Variants in SPATA13 observed in about 807,000 individuals in gnomAD.
SPATA13 encodes spermatogenesis-associated protein 13.
A neutral mutation model predicts 104.0 loss-of-function variants in SPATA13; 50 were observed. The observed-to-expected ratio is 0.48, with a 90% CI of 0.38 to 0.61. The LOEUF is 0.61. Among genes scored for constraint, SPATA13 ranks in the 20% least tolerant of loss-of-function variants. The probability of loss-of-function intolerance (pLI) is 0.00; values close to 1 mark genes in which losing one functional copy is unlikely to be tolerated. For synonymous variants in SPATA13, 606 were observed against 667.5 expected, an observed-to-expected ratio of 0.91 and a Z score of 1.42; for missense variants, 1,524 against 1,690.6, an observed-to-expected ratio of 0.90 and a Z score of 1.73.
chr13:24,290,330 A>T (rs928688523), intron 8 of SPATA13, among the ~76,000 whole-genome samples: 4 of 152,078 alleles, frequency 2.6e-5, no homozygotes, highest in African/African-American at 9.7e-5. Context: ...TGGGAGGGGG[A>T]CGTTAGAGGC....
intron 2 of SPATA13, among the ~76,000 whole-genome samples, chr13:23,998,391 C>T (rs1264679051): frequency 6.6e-6 from 1 of 152,184 alleles, no homozygotes; most frequent in East Asian, 1.9e-4. Flanking sequence ...AAATGTCTAT[C>T]CAAATCTTTT....
chr13:24,095,411 G>A (rs1880040634), intron 3 of SPATA13, among the ~76,000 whole-genome samples: 1 of 152,108 alleles, frequency 6.6e-6, no homozygotes, highest in Admixed American at 6.5e-5. Context: ...CAGGGCTGGG[G>A]TAGGGGGTGC....
At chr13:24,071,076 C>G (rs558869784) in intron 3 of SPATA13, among the ~76,000 whole-genome samples, 1 of 152,270 alleles carries the variant, frequency 6.6e-6, no homozygotes, top group South Asian at 2.1e-4. Context: ...GATGAATGCA[C>G]TCATGGTTCA....
intron 1 of SPATA13, among the ~76,000 whole-genome samples, chr13:24,208,436 C>T (rs77923234): frequency 0.016 from 2,368 of 152,302 alleles, 57 homozygotes; most frequent in African/African-American, 0.054. Flanking sequence ...TTCATAATCC[C>T]CAGTGCTCCT....
intron 2 of SPATA13, among the ~76,000 whole-genome samples, chr13:23,993,303 T>C (rs1188701329): frequency 6.6e-6 from 1 of 152,252 alleles, no homozygotes; most frequent in Non-Finnish European, 1.5e-5. Flanking sequence ...TTCAACTGTT[T>C]CTTTTCCATA....
chr13:24,066,331 C>A (rs1330488555), intron 3 of SPATA13, among the ~76,000 whole-genome samples: 1 of 152,164 alleles, frequency 6.6e-6, no homozygotes, highest in African/African-American at 2.4e-5. Flanking sequence ...CATCACAATT[C>A]TTTGAAACAA....
intron 3 of SPATA13, among the ~76,000 whole-genome samples, chr13:24,114,347 C>T (rs1041685658): frequency 6.4e-5 from 5 of 77,714 alleles, no homozygotes; most frequent in Middle Eastern, 6.8e-3. Context: ...GAAGCTAATT[C>T]AGTGTGCACG....
intron 3 of SPATA13, among the ~76,000 whole-genome samples, chr13:24,024,352 TGGAC>T (rs1039374511): frequency 2.6e-5 from 3 of 117,424 alleles, no homozygotes; most frequent in Admixed American, 8.6e-5. Context: ...GATGAATGGA[TGGAC>T]GGATGGATGG....
intron 4 of SPATA13, among the ~76,000 whole-genome samples, chr13:24,255,924 A>G (rs1374687472): frequency 1.3e-5 from 2 of 152,242 alleles, no homozygotes; most frequent in Admixed American, 1.3e-4. Flanking sequence ...ACATGAAGGA[A>G]TTATTTTTAA....
chr13:24,263,232 T>C (rs992407255), intron 4 of SPATA13, among the ~76,000 whole-genome samples: 16 of 152,244 alleles, frequency 1.1e-4, no homozygotes, highest in African/African-American at 3.6e-4. Context: ...AAATATTTTC[T>C]TTCAATAAAG....
At chr13:24,062,229 A>C (rs1212821797) in intron 3 of SPATA13, among the ~76,000 whole-genome samples, 4 of 152,254 alleles carry the variant, frequency 2.6e-5, no homozygotes, top group Admixed American at 6.5e-5. Flanking sequence ...GAAGAGCTCT[A>C]GGGCTTCTTA....
intron 1 of SPATA13, among the ~76,000 whole-genome samples, chr13:24,191,938 G>A (rs963716086): frequency 3.3e-5 from 5 of 152,084 alleles, no homozygotes; most frequent in East Asian, 1.9e-4. Context: ...TTAGGCCTGC[G>A]TACACATTGA....
At position 24,286,805 on chromosome 13, in the gene SPATA13, G is replaced by A. The variant is rs754107229; in HGVS notation, c.2522G>A (p.Ser841Asn). The change falls in exon 7 of 13, where the codon AGC becomes AAC. Residue 841 changes from serine (S) to asparagine (N), a missense_variant. Ser to Asn is a conservative substitution (Grantham distance 46, BLOSUM62 1). This residue lies in a region of SPATA13 where 1,089 missense variants were observed against 1,135.9 expected (regional missense o/e 0.96). Coordinates refer to ENST00000382108, the MANE Select transcript of SPATA13 (RefSeq NM_001166271.3). The surrounding 1 kb of genome is among the most constrained non-coding windows in gnomAD (Gnocchi z 4.9). ...NQEELSENSS[S>N]TPSEEQDEEA... Reference sequence around the variant, plus strand: ...GAAGAGCTGTCGGAAAACTCCAGCAGCACCCCCAGTGAGGAGCAGGACGAG... The same window carrying A: ...GAAGAGCTGTCGGAAAACTCCAGCAACACCCCCAGTGAGGAGCAGGACGAG... 1 of 1,613,658 alleles carries A rather than the reference G, an allele frequency of 6.2e-7. No homozygotes were observed. Among genetic ancestry groups the A allele is most frequent in the Non-Finnish European group, 8.5e-7 (1 of 1,179,968 alleles).
chr13:24,048,625 A>G (rs994190103), intron 3 of SPATA13, among the ~76,000 whole-genome samples: 1 of 152,104 alleles, frequency 6.6e-6, no homozygotes, highest in South Asian at 2.1e-4. Flanking sequence ...TGATGAAAAC[A>G]TTTCAGATAG....
At chr13:24,099,254 G>A (rs1288604583) in intron 3 of SPATA13, among the ~76,000 whole-genome samples, 1 of 152,086 alleles carries the variant, frequency 6.6e-6, no homozygotes, top group Non-Finnish European at 1.5e-5. Context: ...ATGAGGATGA[G>A]CATCTCTTTA....
intron 1 of SPATA13, among the ~76,000 whole-genome samples, chr13:24,181,324 A>T (rs999255119): frequency 6.6e-5 from 10 of 152,142 alleles, no homozygotes; most frequent in African/African-American, 2.4e-4. Context: ...TAATAAATTG[A>T]CCTTAGTTAC....
At chr13:24,240,526 G>A (rs533172485) in intron 2 of SPATA13, among the ~76,000 whole-genome samples, 2 of 152,224 alleles carry the variant, frequency 1.3e-5, no homozygotes, top group East Asian at 1.9e-4. Flanking sequence ...ACATGGTCAC[G>A]GGCTGGGATG....
chr13:24,002,726 A>G (rs568877668), intron 2 of SPATA13, among the ~76,000 whole-genome samples: 1 of 152,270 alleles, frequency 6.6e-6, no homozygotes, highest in East Asian at 1.9e-4. Flanking sequence ...TGACCCCCCG[A>G]GCACAAGCAC....
intron 3 of SPATA13, among the ~76,000 whole-genome samples, chr13:24,045,842 G>T (rs1184829869): frequency 6.6e-6 from 1 of 152,168 alleles, no homozygotes; most frequent in Non-Finnish European, 1.5e-5. Flanking sequence ...TCATGGTCAG[G>T]TAGCAGGTGT....
Sources: allele counts gnomAD v4.1 joint callset (sites outside exome capture counted in the v4.1 genomes callset), GRCh38; gene constraint gnomAD v4.1.1; regional missense constraint gnomAD v4.1.1; non-coding constraint Gnocchi (gnomAD v3.1); transcripts MANE v1.5; gene names NCBI Gene and HGNC (gene_info 2026-07-23, HGNC 2026-07-21).